The following XKR6 variants were observed in gnomAD, a reference collection of about 807,000 sequenced individuals.
XKR6 encodes the protein XK related 6.
A neutral mutation model predicts 56.7 loss-of-function variants in XKR6; 22 were observed. That is an observed-to-expected ratio of 0.39 (90% CI 0.28 to 0.55). The LOEUF is 0.55. Among genes scored for constraint, XKR6 ranks in the 20% least tolerant of loss-of-function variants. The pLI is 0.66. For synonymous variants in XKR6, 524 were observed against 387.8 expected (o/e 1.35, Z -4.13); for missense variants, 852 against 889.0 (o/e 0.96, Z 0.53).
chr8:11,073,312 G>A (rs940292355), intron 1 of XKR6, among the ~76,000 whole-genome samples: 1 of 152,070 alleles, frequency 6.6e-6, no homozygotes, highest in Non-Finnish European at 1.5e-5. Flanking sequence ...ACTGGCAGAG[G>A]GTCACCTATG....
At chr8:11,112,204 A>G (rs145394494) in intron 1 of XKR6, among the ~76,000 whole-genome samples, 1 of 152,332 alleles carries the variant, frequency 6.6e-6, no homozygotes, top group East Asian at 1.9e-4. Context: ...TTTTCTTTTA[A>G]AAGTTGTCAT....
chr8:11,106,019 G>C lies in XKR6; in HGVS notation c.764+94557C>G, dbSNP rs907103574. ...CACCAAGAGTCAGAAAATGATTGCA[G>C]ACTACATCCTTTTACACAAAACACA... is the stretch of plus-strand genomic sequence containing the variant. On this transcript the variant is annotated intron_variant, in intron 1 of 2. Transcript: ENST00000416569. The C allele has an allele frequency of 2.0e-5, 3 of 152,158 alleles. No individual in the cohort carries two copies. The East Asian group carries it at 5.8e-4, about 29-fold the overall frequency. 9.4% of individuals were successfully genotyped at this position (152,158 alleles called of 1,614,324 possible).
At chr8:11,003,833 A>G (rs1798301475) in intron 1 of XKR6, among the ~76,000 whole-genome samples, 1 of 152,240 alleles carries the variant, frequency 6.6e-6, no homozygotes, top group Non-Finnish European at 1.5e-5. Context: ...GGTGTGGTTA[A>G]TTCTGCCTGT....
At chr8:11,038,417 T>C (rs1799199671) in intron 1 of XKR6, among the ~76,000 whole-genome samples, 2 of 151,696 alleles carry the variant, frequency 1.3e-5, no homozygotes, top group South Asian at 4.2e-4. Context: ...CAGGGACACA[T>C]TGTGTGGAGA....
chr8:11,177,016 G>A (rs558240109), intron 1 of XKR6, among the ~76,000 whole-genome samples: 2 of 152,190 alleles, frequency 1.3e-5, no homozygotes, highest in South Asian at 4.1e-4. Flanking sequence ...TCCAAACCTT[G>A]TGCTAGGGAG....
rs149169342 is a variant in XKR6 at position 10,898,168 on chromosome 8, G to C, written c.1710C>G (p.Pro570=). 1 of 1,613,946 alleles carries C rather than the reference G, an allele frequency of 6.2e-7. No individual in the cohort carries two copies. Among genetic ancestry groups the C allele is most frequent in the Non-Finnish European group, 8.5e-7 (1 of 1,179,986 alleles). Residue 570 remains proline, a synonymous_variant, in exon 3 of 3, where the codon CCC becomes CCG. Transcript: ENST00000416569. The surrounding 1 kb of genome is among the most constrained non-coding windows in gnomAD (Gnocchi z 6.6). ...LPVFQVRPMG[P]PTPLGRPYLP... ...GGTAAGGACGCCCCAACGGGGTAGGGGGCCCCATGGGTCTCACTTGGAAAA... is the reference window on the plus strand; with the variant it reads ...GGTAAGGACGCCCCAACGGGGTAGGCGGCCCCATGGGTCTCACTTGGAAAA...
intron 1 of XKR6, among the ~76,000 whole-genome samples, chr8:10,943,707 G>A (rs7814762): frequency 4.6e-5 from 7 of 152,018 alleles, no homozygotes; most frequent in African/African-American, 1.7e-4. Flanking sequence ...CAGATGAAGA[G>A]ACCAAAGCAA....
At chr8:10,981,515 G>C (rs1013833768) in intron 1 of XKR6, among the ~76,000 whole-genome samples, 1 of 152,176 alleles carries the variant, frequency 6.6e-6, no homozygotes, top group African/African-American at 2.4e-5. Context: ...CACTAACAAA[G>C]ACATTGGAAA....
chr8:11,198,852 CT>C (rs1444287637), intron 1 of XKR6, among the ~76,000 whole-genome samples: 1 of 151,968 alleles, frequency 6.6e-6, no homozygotes, highest in Non-Finnish European at 1.5e-5. Context: ...CTTCCCCATA[CT>C]TTTTGTCCCT....
At chr8:11,188,602 T>C (rs1803393748) in intron 1 of XKR6, among the ~76,000 whole-genome samples, 1 of 152,190 alleles carries the variant, frequency 6.6e-6, no homozygotes, top group Admixed American at 6.5e-5. Context: ...TCCTTCAGAG[T>C]TTTCTTCAGC....
chr8:11,160,897 A>G (rs60863755), intron 1 of XKR6, among the ~76,000 whole-genome samples: 5,170 of 135,196 alleles, frequency 0.038, 208 homozygotes, highest in African/African-American at 0.1. Context: ...GGGCAACAGA[A>G]CGAGACTCCG....
At chr8:11,088,362 C>G (rs549529716) in intron 1 of XKR6, among the ~76,000 whole-genome samples, 5 of 152,194 alleles carry the variant, frequency 3.3e-5, no homozygotes. Flanking sequence ...TGTTTCATTA[C>G]GGACAATTTC....
intron 1 of XKR6, among the ~76,000 whole-genome samples, chr8:11,152,751 C>G (rs1312141942): frequency 2.6e-5 from 4 of 152,212 alleles, no homozygotes; most frequent in African/African-American, 7.2e-5. Context: ...CCTCAACTAG[C>G]TTGTGGACAG....
intron 1 of XKR6, among the ~76,000 whole-genome samples, chr8:11,005,665 T>C (rs1004400023): frequency 1.3e-5 from 2 of 152,148 alleles, no homozygotes; most frequent in Non-Finnish European, 2.9e-5. Flanking sequence ...ATACATCACA[T>C]TGTAATCCCA....
At chr8:10,964,834 G>A (rs554609515) in intron 1 of XKR6, among the ~76,000 whole-genome samples, 1 of 152,210 alleles carries the variant, frequency 6.6e-6, no homozygotes, top group Non-Finnish European at 1.5e-5. Flanking sequence ...TAAACCTGCA[G>A]CATCCTCTAA....
intron 1 of XKR6, among the ~76,000 whole-genome samples, chr8:10,928,601 C>G (rs907895837): frequency 3.3e-5 from 5 of 152,234 alleles, no homozygotes; most frequent in Non-Finnish European, 7.3e-5. Flanking sequence ...CCTCGACCCG[C>G]GGCCACACGG....
intron 1 of XKR6, among the ~76,000 whole-genome samples, chr8:11,048,556 G>C (rs1799466433): frequency 6.6e-6 from 1 of 152,226 alleles, no homozygotes; most frequent in Non-Finnish European, 1.5e-5. Flanking sequence ...ACGTGTCTGA[G>C]TGCCTCGGCG....
chr8:10,928,029 C>T (rs1419777876), intron 1 of XKR6, among the ~76,000 whole-genome samples: 1 of 152,178 alleles, frequency 6.6e-6, no homozygotes, highest in Non-Finnish European at 1.5e-5. Flanking sequence ...CGGCTCGGTC[C>T]CTCCTCTGCT....
chr8:11,069,843 T>C (rs1168701913), intron 1 of XKR6, among the ~76,000 whole-genome samples: 2 of 152,170 alleles, frequency 1.3e-5, no homozygotes, highest in Admixed American at 6.5e-5. Context: ...GGCTAAGCTT[T>C]GTGACAGGAG....
Sources: allele counts gnomAD v4.1 joint callset (sites outside exome capture counted in the v4.1 genomes callset), GRCh38; gene constraint gnomAD v4.1.1; non-coding constraint Gnocchi (gnomAD v3.1); transcripts MANE v1.5; gene names NCBI Gene and HGNC (gene_info 2026-07-23, HGNC 2026-07-21).